Variants in KIAA0232 observed in about 807,000 individuals in gnomAD.
KIAA0232 encodes the protein KIAA0232.
Under a neutral mutation model 122.0 loss-of-function variants are expected in KIAA0232, and 27 were observed. That is an observed-to-expected ratio of 0.22 (90% confidence interval 0.16 to 0.31). The LOEUF (loss-of-function observed/expected upper bound fraction) is 0.31, where lower values mean the gene tolerates loss of function less well. Among genes scored for constraint, KIAA0232 ranks in the 10% least tolerant of loss-of-function variants. KIAA0232 has a pLI of 1.00. For missense variants in KIAA0232, 1,551 were observed against 1,634.2 expected, an observed-to-expected ratio of 0.95 and a Z score of 0.88; for synonymous variants, 613 against 587.6, an observed-to-expected ratio of 1.04 and a Z score of -0.63.
intron 4 of KIAA0232, 97 bp downstream of exon 4, chr4:6,842,301 C>T: frequency 1.7e-6 from 2 of 1,186,868 alleles, no homozygotes; most frequent in Non-Finnish European, 2.4e-6. Context: ...ACTGGGAAAA[C>T]AAAGTACTTA....
At position 6,855,732 on chromosome 4, in the gene KIAA0232, G is replaced by A; in HGVS notation, c.370-1432G>A. On this transcript the variant is annotated intron_variant, in intron 4 of 9. Coordinates refer to ENST00000307659, the MANE Select transcript of KIAA0232 (RefSeq NM_014743.3). This position sits in a 1 kb window ranked among gnomAD's most constrained non-coding sequence, Gnocchi z 4.3. Reference sequence around the variant, plus strand: ...GAAGACGTTTAATAAGTGATCCCTAGAGGTTCAGTGTTCTGCATTGCGAGA... The same window carrying A: ...GAAGACGTTTAATAAGTGATCCCTAAAGGTTCAGTGTTCTGCATTGCGAGA... The A allele has an allele frequency of 8.4e-6, 3 of 355,294 alleles. No individual in the cohort carries two copies. The South Asian group carries it at 3.4e-4, about 40-fold the overall frequency. 22.0% of individuals were successfully genotyped at this position (355,294 alleles called of 1,614,324 possible).
At chr4:6,847,477 A>T (rs1235660300) in intron 4 of KIAA0232, among the ~76,000 whole-genome samples, 2 of 152,210 alleles carry the variant, frequency 1.3e-5, no homozygotes, top group African/African-American at 4.8e-5. Flanking sequence ...AATTTTATAC[A>T]TTGATTAAAA....
At chr4:6,844,524 C>G (rs1719852352) in intron 4 of KIAA0232, among the ~76,000 whole-genome samples, 1 of 152,038 alleles carries the variant, frequency 6.6e-6, no homozygotes, top group Non-Finnish European at 1.5e-5. Flanking sequence ...TCACTGCAAC[C>G]TCCTGGGTTC....
intron 3 of KIAA0232, among the ~76,000 whole-genome samples, chr4:6,833,045 C>T (rs1400341864): frequency 6.6e-6 from 1 of 152,206 alleles, no homozygotes; most frequent in Non-Finnish European, 1.5e-5. Context: ...TTTGCTCCTT[C>T]AGCCTATTTG....
chr4:6,795,753 C>T (rs1717105984), intron 1 of KIAA0232, among the ~76,000 whole-genome samples: 1 of 152,168 alleles, frequency 6.6e-6, no homozygotes, highest in Non-Finnish European at 1.5e-5. Flanking sequence ...CCACTGCATC[C>T]AGCTAATTTA....
intron 2 of KIAA0232, among the ~76,000 whole-genome samples, chr4:6,808,582 C>T (rs1356295889): frequency 6.6e-6 from 1 of 150,958 alleles, no homozygotes. Flanking sequence ...AAGGAAAATC[C>T]TGAGAGAGTC....
intron 2 of KIAA0232, among the ~76,000 whole-genome samples, chr4:6,818,543 C>T (rs1484847202): frequency 6.6e-6 from 1 of 151,966 alleles, no homozygotes; most frequent in Admixed American, 6.6e-5. Context: ...TGAAAGATCT[C>T]TGCAAGAAGG....
chr4:6,839,016 C>T (rs1028227769), intron 3 of KIAA0232, among the ~76,000 whole-genome samples: 1 of 152,114 alleles, frequency 6.6e-6, no homozygotes, highest in African/African-American at 2.4e-5. Flanking sequence ...GCAATCCCAG[C>T]TACTCAGGCT....
intron 7 of KIAA0232, among the ~76,000 whole-genome samples, chr4:6,870,773 G>C (rs1359138394): frequency 6.6e-6 from 1 of 150,494 alleles, no homozygotes; most frequent in African/African-American, 2.5e-5. Flanking sequence ...CTGCACTCCA[G>C]CCTGGGTGAC....
At chr4:6,826,298 ATTTTGGTGGTC>A (rs2109043590) in intron 3 of KIAA0232, among the ~76,000 whole-genome samples, 1 of 152,186 alleles carries the variant, frequency 6.6e-6, no homozygotes, top group Admixed American at 6.5e-5. Context: ...CAAATGTGTT[ATTTTGGTGGTC>A]AGTATTTTGT....
chr4:6,853,369 G>GGA (rs1720396989), intron 4 of KIAA0232, among the ~76,000 whole-genome samples: 7 of 152,228 alleles, frequency 4.6e-5, no homozygotes, highest in Admixed American at 4.6e-4. Context: ...AGAAATTAGG[G>GGA]GACCAGTACA....
intron 7 of KIAA0232, among the ~76,000 whole-genome samples, chr4:6,868,857 A>G (rs992861783): frequency 1.3e-5 from 2 of 152,226 alleles, no homozygotes; most frequent in African/African-American, 4.8e-5. Context: ...TGCCATAGGA[A>G]TTGACATTCA....
chr4:6,811,497 C>G (rs762818093), intron 2 of KIAA0232, among the ~76,000 whole-genome samples: 1 of 152,174 alleles, frequency 6.6e-6, no homozygotes, highest in Non-Finnish European at 1.5e-5. Context: ...GGCTGGAGTG[C>G]TTTGGCATGA....
intron 4 of KIAA0232, among the ~76,000 whole-genome samples, chr4:6,850,080 A>T (rs537230003): frequency 1.3e-5 from 2 of 152,354 alleles, no homozygotes; most frequent in Admixed American, 6.5e-5. Flanking sequence ...AAATGTTGAA[A>T]AGTGAGAATA....
chr4:6,796,147 TTAATATG>T (rs942373367), intron 1 of KIAA0232, among the ~76,000 whole-genome samples: 10 of 152,188 alleles, frequency 6.6e-5, no homozygotes, highest in African/African-American at 2.4e-4. Flanking sequence ...CTAGGTCTAA[TTAATATG>T]TAATATGTGG....
intron 1 of KIAA0232, among the ~76,000 whole-genome samples, chr4:6,792,648 A>G (rs1009817702): frequency 6.0e-5 from 9 of 150,514 alleles, no homozygotes; most frequent in African/African-American, 2.0e-4. Flanking sequence ...TGCTTGCTTC[A>G]GTGATCTGCT....
chr4:6,788,683 TTGAC>T (rs1454894657), intron 1 of KIAA0232, among the ~76,000 whole-genome samples: 2 of 152,256 alleles, frequency 1.3e-5, no homozygotes, highest in Non-Finnish European at 2.9e-5. Flanking sequence ...TGTTAAATGT[TTGAC>T]TGAATTAACT....
intron 1 of KIAA0232, among the ~76,000 whole-genome samples, chr4:6,803,204 C>CATATATATATATATATATAT (rs34234535): frequency 7.1e-6 from 1 of 141,566 alleles, no homozygotes; most frequent in African/African-American, 2.6e-5. Context: ...AAAATGAGTG[C>CATATATATATATATATATAT]ATATATATAT....
At chr4:6,800,650 C>T (rs1394668363) in intron 1 of KIAA0232, among the ~76,000 whole-genome samples, 2 of 151,136 alleles carry the variant, frequency 1.3e-5, no homozygotes, top group Non-Finnish European at 2.9e-5. Flanking sequence ...CACTGCACTG[C>T]AGCCTGGGCG....
Sources: allele counts gnomAD v4.1 joint callset (sites outside exome capture counted in the v4.1 genomes callset), GRCh38; gene constraint gnomAD v4.1.1; non-coding constraint Gnocchi (gnomAD v3.1); transcripts MANE v1.5; gene names NCBI Gene and HGNC (gene_info 2026-07-23, HGNC 2026-07-21).